DOP1B: variants seen among roughly 807,000 people sequenced by gnomAD.
DOP1B encodes the protein DOP1 leucine zipper like protein B.
A neutral mutation model predicts 233.5 loss-of-function variants in DOP1B; 174 were observed. The observed-to-expected ratio is 0.75, with a 90% CI of 0.66 to 0.85. The LOEUF (loss-of-function observed/expected upper bound fraction) is 0.85, where lower values mean the gene tolerates loss of function less well. DOP1B is among the 40% of genes least tolerant of loss of function. The pLI, the probability that DOP1B is intolerant of heterozygous loss-of-function variation, is 0.00. For missense variants in DOP1B, 2,652 were observed against 2,846.6 expected (o/e 0.93, Z 1.56); for synonymous variants, 1,190 against 1,185.6 (o/e 1.00, Z -0.08).
chr21:36,275,811 C>G (rs1264543652), intron 27 of DOP1B, among the ~76,000 whole-genome samples: 1 of 152,068 alleles, frequency 6.6e-6, no homozygotes, highest in Non-Finnish European at 1.5e-5. Context: ...GTGTACCCAG[C>G]AGTGCATTCT....
chr21:36,231,179 T>C (rs767482143), intron 14 of DOP1B, 45 bp downstream of exon 14: 1 of 1,533,916 alleles, frequency 6.5e-7, no homozygotes, highest in South Asian at 1.3e-5. Flanking sequence ...AATCATACGA[T>C]GAGGCGATTG....
chr21:36,217,432 A>G (rs991999958), intron 9 of DOP1B, among the ~76,000 whole-genome samples: 3 of 152,166 alleles, frequency 2.0e-5, no homozygotes, highest in Non-Finnish European at 4.4e-5. Flanking sequence ...CTGTTTTACA[A>G]ATGGAAAGAC....
intron 10 of DOP1B, 73 bp from the exon 11 acceptor site, chr21:36,223,158 C>A: frequency 6.8e-7 from 1 of 1,474,514 alleles, no homozygotes; most frequent in Non-Finnish European, 9.1e-7. Context: ...AAATCAATTA[C>A]AGTTTTTTGG....
At chr21:36,228,436 G>A (rs2066717786) in intron 13 of DOP1B, among the ~76,000 whole-genome samples, 1 of 151,366 alleles carries the variant, frequency 6.6e-6, no homozygotes, top group South Asian at 2.1e-4. Context: ...CTTAAGCCTG[G>A]GCAACAGAGC....
chr21:36,245,950 C>T lies in DOP1B; in HGVS notation c.3970C>T (p.Arg1324Cys), dbSNP rs186967797. The T allele has an allele frequency of 2.4e-5, 39 of 1,613,992 alleles. 1 individual carries two copies. The Admixed American group carries it at 2.5e-4, about 10-fold the overall frequency. ...CACCTACCTCTGCCTGAGCTTCCTG[C>T]GCTCCTACTACCCTTGCTATTTGAA... ...LLTYLCLSFLRSYYPCYLKVS... is the reference protein window; with the variant it reads ...LLTYLCLSFLCSYYPCYLKVS... The change falls in exon 19 of 37, where the codon CGC becomes TGC. Residue 1324 changes from arginine to cysteine, a missense_variant. Transcript: ENST00000691173. This position sits in a 1 kb window ranked among gnomAD's most constrained non-coding sequence, Gnocchi z 5.5.
In DOP1B at chr21:36,260,597, A is replaced by T. The variant is rs1601459956; in HGVS notation, c.5260-80A>T. The T allele has an allele frequency of 3.8e-6, 6 of 1,588,462 alleles. No homozygotes were observed. In the East Asian group the frequency reaches 1.3e-4, roughly 36 times the overall value. On this transcript the variant is annotated intron_variant, in intron 23 of 36. Coordinates refer to ENST00000691173, the MANE Select transcript of DOP1B (RefSeq NM_001320714.2). ...AAACCTTTGCTTTGTTAGGCTATAGATCTGTTTCATTTTGTATCTGAATTC... is the reference window on the plus strand; with the variant it reads ...AAACCTTTGCTTTGTTAGGCTATAGTTCTGTTTCATTTTGTATCTGAATTC...
chr21:36,238,682 C>T lies in DOP1B; in HGVS notation c.2857C>T (p.His953Tyr). Residue 953 changes from histidine (H) to tyrosine (Y), a missense_variant, in exon 17 of 37, where the codon CAC (histidine) becomes TAC (tyrosine). This residue lies in a region of DOP1B where 2,617 missense variants were observed against 2,794.3 expected (regional missense o/e 0.94). Transcript: ENST00000691173. ...REIQGSRVTS[H>Y]NRSFDRSLFV... is the part of the protein sequence containing the mutation. ...GATCCAAGGCAGTCGAGTAACATCT[C>T]ACAATCGCTCCTTTGATAGGTGAGG... 6.2e-7 allele frequency: 1 copy of T among 1,614,190 alleles called. No individual in the cohort carries two copies. Among genetic ancestry groups the T allele is most frequent in the Non-Finnish European group, 8.5e-7 (1 of 1,180,014 alleles).
In DOP1B at chr21:36,280,587, C is replaced by T. The variant is rs376373904; in HGVS notation, c.6031+241C>T. On this transcript the variant is annotated intron_variant, in intron 31 of 36. Coordinates refer to ENST00000691173, the MANE Select transcript of DOP1B (RefSeq NM_001320714.2). ...TAGTTTTATAGTGGAGAAATACTGC[C>T]GAAAGCATCCAGCTTCACATCTTGA... Among the ~76,000 whole-genome samples the T allele has an allele frequency of 7.4e-4, 113 of 152,274 alleles. No individual in the cohort carries two copies. In the South Asian group the frequency reaches 0.022, roughly 29 times the overall value.
intron 4 of DOP1B, among the ~76,000 whole-genome samples, chr21:36,200,839 GAA>G (rs67599618): frequency 8.2e-5 from 11 of 134,300 alleles, no homozygotes; most frequent in Admixed American, 7.6e-5. Flanking sequence ...ACTCTGTCTC[GAA>G]AAAAAAAAAA....
rs1568993786 is a variant in DOP1B, at chr21:36,164,807, T to G, written c.74T>G (p.Leu25Trp). 1 of 1,613,018 alleles carries G rather than the reference T, an allele frequency of 6.2e-7. No homozygotes were observed. Among genetic ancestry groups the G allele is most frequent in the Non-Finnish European group, 8.5e-7 (1 of 1,179,554 alleles). ...TACTCTTCAGTGATTGAAAAGGCTT[T>G]GAGAAATTTTGAGTCCTCGAGTGAA... Reference protein sequence around the residue: ...RSYSSVIEKALRNFESSSEWA... With the variant: ...RSYSSVIEKAWRNFESSSEWA... Residue 25 changes from leucine (L) to tryptophan (W), a missense_variant, in exon 2 of 37, where the codon TTG becomes TGG. This residue lies in a region of DOP1B where 2,617 missense variants were observed against 2,794.3 expected (regional missense o/e 0.94). Transcript: ENST00000691173.
chr21:36,274,713 T>C (rs980356199), intron 27 of DOP1B, among the ~76,000 whole-genome samples: 3 of 151,936 alleles, frequency 2.0e-5, no homozygotes, highest in Admixed American at 1.3e-4. Context: ...GAGGGGACAC[T>C]TGAGAAACAG....
At chr21:36,205,569 G>C (rs2066417472) in intron 4 of DOP1B, among the ~76,000 whole-genome samples, 1 of 151,694 alleles carries the variant, frequency 6.6e-6, no homozygotes, top group African/African-American at 2.4e-5. Flanking sequence ...TGTATTTTTA[G>C]TAGAGACGGG....
rs370036113 is a variant in DOP1B at position 36,245,037 on chromosome 21, G to A, written c.3068-11G>A. On this transcript the variant is annotated splice_polypyrimidine_tract_variant and intron_variant, in intron 18 of 36. Coordinates refer to ENST00000691173, the MANE Select transcript of DOP1B (RefSeq NM_001320714.2). The surrounding 1 kb of genome is among the most constrained non-coding windows in gnomAD (Gnocchi z 5.5). The stretch of plus-strand genomic sequence containing the variant: ...TCTGTCTAAAGTCATTTGTCATCTT[G>A]TAATTTTCAGATGACTTGCACCGTT... The A allele has an allele frequency of 3.5e-5, 55 of 1,583,076 alleles. No homozygotes were observed. The highest frequency in any genetic ancestry group is 1.7e-4 in the Middle Eastern group (1 of 5,952).
At chr21:36,279,028 A>G (rs1007406287) in intron 30 of DOP1B, among the ~76,000 whole-genome samples, 1 of 152,000 alleles carries the variant, frequency 6.6e-6, no homozygotes, top group African/African-American at 2.4e-5. Flanking sequence ...GATACTCCAC[A>G]AGTTCTTACT....
chr21:36,284,265 CT>C (rs71326667), intron 32 of DOP1B, among the ~76,000 whole-genome samples: 58 of 75,868 alleles, frequency 7.6e-4, no homozygotes, highest in Middle Eastern at 0.021. Context: ...TTCCTTCTTT[CT>C]TTTTTTTTTT....
At chr21:36,248,618 C>A in intron 21 of DOP1B, 50 bp downstream of exon 21, 3 of 1,525,172 alleles carry the variant, frequency 2.0e-6, no homozygotes, top group Middle Eastern at 2.0e-4. Flanking sequence ...TTGTATTGTT[C>A]CACCCAAAAT....
chr21:36,253,761 T>G lies in DOP1B; in HGVS notation c.5122-11T>G. On this transcript the variant is annotated splice_polypyrimidine_tract_variant and intron_variant, in intron 22 of 36. Coordinates refer to ENST00000691173, the MANE Select transcript of DOP1B (RefSeq NM_001320714.2). ...TATAAGCTTTCAAGGAACTTTTTTT[T>G]TTCTTGGCAGATTATCCCAACGGCA... 1.9e-6 allele frequency: 3 copies of G among 1,609,654 alleles called. No homozygotes were observed. Among genetic ancestry groups the G allele is most frequent in the Non-Finnish European group, 2.5e-6 (3 of 1,177,810 alleles).
rs2066711887 is a variant in DOP1B, at chr21:36,227,858, A to T, written c.1646A>T (p.Glu549Val). 1 of 1,602,460 alleles carries T rather than the reference A, an allele frequency of 6.2e-7. No homozygotes were observed. The highest frequency in any genetic ancestry group is 8.5e-7 in the Non-Finnish European group (1 of 1,171,932). ...VQMPPSYLDT[E>V]STSGTSSPVK... is the part of the protein sequence containing the mutation. ...ATGCCTCCTTCCTACCTCGACACGG[A>T]GTCCACCAGCGGAACCTCGGTGTGT... The change falls in exon 13 of 37, where the codon GAG becomes GTG. Residue 549 changes from glutamate (E) to valine (V), a missense_variant. Coordinates refer to ENST00000691173, the MANE Select transcript of DOP1B (RefSeq NM_001320714.2).
intron 23 of DOP1B, among the ~76,000 whole-genome samples, chr21:36,254,440 G>T (rs2067068742): frequency 6.6e-6 from 1 of 152,104 alleles, no homozygotes; most frequent in Non-Finnish European, 1.5e-5. Flanking sequence ...AGTTGGAGAA[G>T]TAGAAAATTA....
Sources: gnomAD v4.1 joint callset for allele counts (sites outside exome capture counted in the v4.1 genomes callset) on GRCh38, gnomAD v4.1.1 for gene constraint, gnomAD v4.1.1 regional missense constraint, Gnocchi (gnomAD v3.1) non-coding constraint, MANE v1.5 for transcripts, NCBI Gene and HGNC (gene_info 2026-07-23, HGNC 2026-07-21) for gene names.